The following RAP1GAP2 variants were observed in gnomAD, a reference collection of about 807,000 sequenced individuals.
RAP1GAP2 encodes the protein rap1 GTPase-activating protein 2.
A neutral mutation model predicts 95.0 loss-of-function variants in RAP1GAP2; 27 were observed. The ratio of observed to expected loss-of-function variants is 0.28; its 90% CI spans 0.21 to 0.39. RAP1GAP2 has a LOEUF of 0.39. RAP1GAP2 is among the 10% of genes least tolerant of loss of function. The probability of loss-of-function intolerance (pLI) is 1.00; values close to 1 mark genes in which losing one functional copy is unlikely to be tolerated. For synonymous variants in RAP1GAP2, 373 were observed against 380.9 expected, an observed-to-expected ratio of 0.98 and a Z score of 0.24; for missense variants, 771 against 970.0, an observed-to-expected ratio of 0.79 and a Z score of 2.72.
At chr17:2,829,682 G>A (rs945751200) in intron 2 of RAP1GAP2, among the ~76,000 whole-genome samples, 4 of 152,156 alleles carry the variant, frequency 2.6e-5, no homozygotes, top group African/African-American at 9.6e-5. Flanking sequence ...TATTTCTCAG[G>A]GGAGACTAAG....
intron 2 of RAP1GAP2, among the ~76,000 whole-genome samples, chr17:2,862,543 A>G (rs1455852682): frequency 6.6e-6 from 1 of 152,030 alleles, no homozygotes; most frequent in Non-Finnish European, 1.5e-5. Context: ...CTGCCCCTCA[A>G]CAAACTCAGT....
At chr17:2,931,121 C>CAAAAAA (rs67067799) in intron 3 of RAP1GAP2, among the ~76,000 whole-genome samples, 9 of 67,156 alleles carry the variant, frequency 1.3e-4, no homozygotes, top group South Asian at 5.0e-4. Flanking sequence ...GACTCCATCT[C>CAAAAAA]AAAAAAAAAA....
chr17:2,804,383 A>G (rs2069425767), intron 2 of RAP1GAP2, among the ~76,000 whole-genome samples: 1 of 152,208 alleles, frequency 6.6e-6, no homozygotes, highest in South Asian at 2.1e-4. Flanking sequence ...TTTTACAGAT[A>G]AGAAAGTGGA....
Position 2,870,634 on chromosome 17 carries a change from T to C in RAP1GAP2, c.81-34650T>C, listed in dbSNP as rs1368866621. Among the ~76,000 whole-genome samples the C allele has an allele frequency of 6.6e-6, 1 of 152,204 alleles. No homozygotes were observed. Among genetic ancestry groups the C allele is most frequent in the African/African-American group, 2.4e-5 (1 of 41,454 alleles). On this transcript the variant is annotated intron_variant, in intron 2 of 24. Coordinates refer to ENST00000254695, the MANE Select transcript of RAP1GAP2 (RefSeq NM_015085.5). The surrounding 1 kb of genome is among the most constrained non-coding windows in gnomAD (Gnocchi z 4.4). ...TTCACGTAATATACTTACATCTGCATCTACGTCTGTTTCTCTGTATTGTAA... is the reference window on the plus strand; with the variant it reads ...TTCACGTAATATACTTACATCTGCACCTACGTCTGTTTCTCTGTATTGTAA...
chr17:2,922,229 G>A (rs1439529324), intron 3 of RAP1GAP2, among the ~76,000 whole-genome samples: 1 of 152,184 alleles, frequency 6.6e-6, no homozygotes, highest in Non-Finnish European at 1.5e-5. Flanking sequence ...AGGACAGAAG[G>A]GATTCGCTAG....
intron 1 of RAP1GAP2, among the ~76,000 whole-genome samples, chr17:2,761,403 C>G (rs567272197): frequency 2.0e-5 from 3 of 151,932 alleles, no homozygotes; most frequent in African/African-American, 7.2e-5. Flanking sequence ...ATTCTCTTGC[C>G]TCAGCCTCCC....
chr17:2,926,728 G>T (rs1207302221), intron 3 of RAP1GAP2, among the ~76,000 whole-genome samples: 1 of 151,870 alleles, frequency 6.6e-6, no homozygotes, highest in African/African-American at 2.4e-5. Context: ...CCAGGGGCTG[G>T]GCGCGATGGC....
intron 17 of RAP1GAP2, among the ~76,000 whole-genome samples, chr17:3,013,632 C>CTTTTTTTTTTTTTTT (rs998163717): frequency 3.8e-5 from 3 of 78,874 alleles, no homozygotes; most frequent in African/African-American, 5.4e-5. Flanking sequence ...CTTTTCTTTT[C>CTTTTTTTTTTTTTTT]TTTTTTTTTT....
In RAP1GAP2 at chr17:2,874,744, G is replaced by A. The variant is rs577295726; in HGVS notation, c.81-30540G>A. Among the ~76,000 whole-genome samples the A allele has an allele frequency of 5.7e-4, 87 of 152,202 alleles. 1 individual carries two copies. The highest frequency in any genetic ancestry group is 3.4e-3 in the Middle Eastern group (1 of 294). On this transcript the variant is annotated intron_variant, in intron 2 of 24. Transcript: ENST00000254695. ...AAGCCCCAAACCCTTGAAACCCCAC[G>A]TTTAGCTTGCGAGCTCTCTGCTCTC...
chr17:2,924,675 T>C (rs560786078), intron 3 of RAP1GAP2, among the ~76,000 whole-genome samples: 20 of 152,168 alleles, frequency 1.3e-4, no homozygotes, highest in Admixed American at 1.1e-3. Flanking sequence ...CCGAGGATCA[T>C]ACGTTGGGGT....
chr17:2,819,119 C>T (rs925750479), intron 2 of RAP1GAP2, among the ~76,000 whole-genome samples: 2 of 150,494 alleles, frequency 1.3e-5, no homozygotes, highest in African/African-American at 4.9e-5. Flanking sequence ...CCCAGGTTCA[C>T]GCCATTCTCC....
chr17:2,864,354 C>G (rs1275542826), intron 2 of RAP1GAP2, among the ~76,000 whole-genome samples: 1 of 152,240 alleles, frequency 6.6e-6, no homozygotes, highest in Non-Finnish European at 1.5e-5. Flanking sequence ...TGCCCACATA[C>G]TTTGTTTTTT....
intron 3 of RAP1GAP2, among the ~76,000 whole-genome samples, chr17:2,955,132 T>C (rs2044063678): frequency 6.6e-6 from 1 of 152,222 alleles, no homozygotes; most frequent in Non-Finnish European, 1.5e-5. Flanking sequence ...AATTCTTTTG[T>C]GTATATTCCT....
intron 3 of RAP1GAP2, among the ~76,000 whole-genome samples, chr17:2,944,143 G>A (rs1255746170): frequency 4.7e-5 from 6 of 127,568 alleles, no homozygotes; most frequent in South Asian, 5.5e-4. Context: ...GCGAGACTCC[G>A]TCTCAAAACA....
intron 8 of RAP1GAP2, among the ~76,000 whole-genome samples, chr17:2,967,240 G>A (rs559004218): frequency 2.6e-4 from 39 of 152,144 alleles, no homozygotes; most frequent in Non-Finnish European, 5.1e-4. Flanking sequence ...GCGTGGTGGC[G>A]GGTGCCTGTA....
At chr17:2,805,713 A>C (rs1215008191) in intron 2 of RAP1GAP2, among the ~76,000 whole-genome samples, 1 of 151,448 alleles carries the variant, frequency 6.6e-6, no homozygotes, top group Non-Finnish European at 1.5e-5. Context: ...TGCTCTCTCC[A>C]CAGAGACCCC....
intron 3 of RAP1GAP2, among the ~76,000 whole-genome samples, chr17:2,911,834 C>T (rs1381574714): frequency 6.6e-6 from 1 of 152,166 alleles, no homozygotes; most frequent in Admixed American, 6.5e-5. Context: ...TCTCTCGACG[C>T]TCATGGGAAG....
rs544633729 is a variant in RAP1GAP2, at chr17:2,831,660, G to A, written c.80+31110G>A. On this transcript the variant is annotated intron_variant, in intron 2 of 24. Transcript: ENST00000254695. ...AATCCCAGGACCGTAGGAGGCCAAC[G>A]TGTGTGGATTGCTTGAGCCCAGGAG... Among the ~76,000 whole-genome samples, 18 of 152,086 alleles carry A rather than the reference G, an allele frequency of 1.2e-4. No homozygotes were observed. In the South Asian group the frequency reaches 3.3e-3, roughly 28 times the overall value.
At chr17:2,930,807 G>A (rs1015552206) in intron 3 of RAP1GAP2, among the ~76,000 whole-genome samples, 4 of 152,148 alleles carry the variant, frequency 2.6e-5, no homozygotes, top group African/African-American at 4.8e-5. Context: ...AAACAAAATC[G>A]AAACAAAGAA....
Sources: allele counts gnomAD v4.1 joint callset (sites outside exome capture counted in the v4.1 genomes callset), GRCh38; gene constraint gnomAD v4.1.1; non-coding constraint Gnocchi (gnomAD v3.1); transcripts MANE v1.5; gene names NCBI Gene and HGNC (gene_info 2026-07-23, HGNC 2026-07-21).